The following METAP2 variants were observed in gnomAD, a reference collection of about 807,000 sequenced individuals.
The protein encoded by METAP2 is methionine aminopeptidase 2.
A neutral mutation model predicts 59.4 loss-of-function variants in METAP2; 25 were observed. The observed-to-expected ratio is 0.42, with a 90% confidence interval of 0.31 to 0.59. The LOEUF (loss-of-function observed/expected upper bound fraction) is 0.59. Among genes scored for constraint, METAP2 ranks in the 20% least tolerant of loss-of-function variants. The pLI, the probability that METAP2 is intolerant of heterozygous loss-of-function variation, is 0.16. For missense variants in METAP2, 366 were observed against 581.2 expected (o/e 0.63, Z 3.81); for synonymous variants, 214 against 194.1 (o/e 1.10, Z -0.85).
At chr12:95,512,315 G>T (rs2076408868) in intron 9 of METAP2, among the ~76,000 whole-genome samples, 2 of 152,154 alleles carry the variant, frequency 1.3e-5, no homozygotes, top group Admixed American at 1.3e-4. Flanking sequence ...GAAGCAGAAA[G>T]ACCAAAAAGT....
At chr12:95,493,160 T>C (rs767549353) in intron 4 of METAP2, among the ~76,000 whole-genome samples, 27 of 152,186 alleles carry the variant, frequency 1.8e-4, no homozygotes, top group Non-Finnish European at 8.8e-5. Flanking sequence ...ACAGGAGTCA[T>C]GGATCTTATT....
chr12:95,482,655 A>T (rs999461344), intron 2 of METAP2, among the ~76,000 whole-genome samples: 12 of 151,430 alleles, frequency 7.9e-5, no homozygotes, highest in African/African-American at 2.9e-4. Flanking sequence ...GCATGGTGGC[A>T]TGCACCTGTA....
chr12:95,502,120 A>G (rs969979670), intron 7 of METAP2, among the ~76,000 whole-genome samples: 1 of 151,086 alleles, frequency 6.6e-6, no homozygotes, highest in Admixed American at 6.6e-5. Flanking sequence ...CTCCCACCTC[A>G]GTTCTCCAAG....
chr12:95,485,054 T>C (rs988146160), intron 3 of METAP2, among the ~76,000 whole-genome samples: 1 of 152,240 alleles, frequency 6.6e-6, no homozygotes, highest in Admixed American at 6.5e-5. Flanking sequence ...TTATAAATGT[T>C]AGTTAATGAT....
rs1000056014 is a variant in METAP2, at chr12:95,478,811, A to G, written c.259+2633A>G. 2.0e-5 allele frequency among the ~76,000 whole-genome samples: 3 copies of G among 152,304 alleles called. No individual in the cohort carries two copies. The East Asian group carries it at 5.8e-4, about 29-fold the overall frequency. ...AACTTGAGTAAAACCAAACAAAGGA[A>G]CTATTTTGGGTTGGGGTAATGCTGA... On this transcript the variant is annotated intron_variant, in intron 2 of 10. Coordinates refer to ENST00000323666, the MANE Select transcript of METAP2 (RefSeq NM_006838.4).
At chr12:95,502,035 C>G (rs1199541308) in intron 7 of METAP2, among the ~76,000 whole-genome samples, 3 of 143,116 alleles carry the variant, frequency 2.1e-5, no homozygotes, top group African/African-American at 7.8e-5. Context: ...CAGGGTTTTG[C>G]TCTGTTGCCC....
intron 8 of METAP2, among the ~76,000 whole-genome samples, chr12:95,511,117 T>C (rs1041969491): frequency 5.9e-5 from 9 of 152,194 alleles, no homozygotes; most frequent in Admixed American, 5.2e-4. Flanking sequence ...CTTTCTTACT[T>C]CTATTTCTTA....
At chr12:95,482,612 C>G (rs2076166970) in intron 2 of METAP2, among the ~76,000 whole-genome samples, 1 of 112,026 alleles carries the variant, frequency 8.9e-6, no homozygotes, top group African/African-American at 3.7e-5. Flanking sequence ...AACTCCATCT[C>G]TACTAAAAAA....
chr12:95,511,766 T>C (rs563039397), intron 8 of METAP2, 129 bp from the exon 9 acceptor site: 3 of 606,834 alleles, frequency 4.9e-6, no homozygotes, highest in South Asian at 2.3e-5. Flanking sequence ...ACTACCTTAA[T>C]GTAAGGTTAT....
At position 95,514,053 on chromosome 12, in the gene METAP2, A is replaced by G; in HGVS notation, c.*149A>G. Reference sequence around the variant, plus strand: ...TTTAAAAAAGAAGGAATTTGGACAAAGGCAAACCGTCTAATGTAATTAACC... The same window carrying G: ...TTTAAAAAAGAAGGAATTTGGACAAGGGCAAACCGTCTAATGTAATTAACC... On this transcript the variant is annotated 3_prime_UTR_variant, in exon 11 of 11. Transcript: ENST00000323666. 1.0e-6 allele frequency: 1 copy of G among 965,954 alleles called. No individual in the cohort carries two copies. Among genetic ancestry groups the G allele is most frequent in the Non-Finnish European group, 1.5e-6 (1 of 684,006 alleles). The allele number at this position is 965,954 out of a possible 1,614,324, so 59.8% of individuals were successfully genotyped here.
At chr12:95,479,613 CTT>C (rs58065707) in intron 2 of METAP2, among the ~76,000 whole-genome samples, 27 of 143,138 alleles carry the variant, frequency 1.9e-4, no homozygotes, top group Admixed American at 2.1e-4. Flanking sequence ...AGTCACCACT[CTT>C]TTTTTTTTTT....
At chr12:95,512,948 T>A in intron 10 of METAP2, 32 bp downstream of exon 10, 1 of 1,250,856 alleles carries the variant, frequency 8.0e-7, no homozygotes, top group South Asian at 1.2e-5. Flanking sequence ...TTTATGTGGC[T>A]AATTAGCATC....
chr12:95,485,017 A>G (rs764769799), intron 3 of METAP2: 55 of 386,888 alleles, frequency 1.4e-4, no homozygotes, highest in South Asian at 2.0e-4. Context: ...CACTGCCCTC[A>G]TTTTCCTCAT....
chr12:95,495,132 A>G lies in METAP2; in HGVS notation c.766A>G (p.Ile256Val). 2 of 1,604,580 alleles carry G rather than the reference A, an allele frequency of 1.2e-6. No homozygotes were observed. The highest frequency in any genetic ancestry group is 1.7e-6 in the Non-Finnish European group (2 of 1,174,384). ...DICKIDFGTH[I>V]SGRIIDCAFT... is the part of the protein sequence containing the mutation. ...CTGTAAAATAGACTTTGGAACACAT[A>G]TAAGTGGTAAATTCTTGCAGAAAAT... is the stretch of plus-strand genomic sequence containing the variant. Residue 256 changes from isoleucine to valine, a missense_variant, in exon 6 of 11, where the codon ATA (isoleucine) becomes GTA (valine). Transcript: ENST00000323666.
chr12:95,482,140 C>G (rs1354239479), intron 2 of METAP2: 1 of 453,120 alleles, frequency 2.2e-6, no homozygotes, highest in Non-Finnish European at 4.4e-6. Context: ...ACAAGATCTC[C>G]CTCCCGTCAC....
At chr12:95,490,378 C>T (rs2076228782) in intron 4 of METAP2, among the ~76,000 whole-genome samples, 1 of 147,956 alleles carries the variant, frequency 6.8e-6, no homozygotes. Flanking sequence ...TATCTAGAGG[C>T]ATACATTGTC....
At chr12:95,493,495 ACT>A (rs1385953556) in intron 4 of METAP2, among the ~76,000 whole-genome samples, 1 of 152,210 alleles carries the variant, frequency 6.6e-6, no homozygotes, top group Non-Finnish European at 1.5e-5. Context: ...ATTCGTTAGC[ACT>A]GGCAGTTTTA....
intron 4 of METAP2, among the ~76,000 whole-genome samples, chr12:95,488,962 T>C (rs2076218117): frequency 6.6e-6 from 1 of 152,210 alleles, no homozygotes; most frequent in African/African-American, 2.4e-5. Flanking sequence ...TTTCTGAAAA[T>C]TGACAGTTTA....
chr12:95,478,866 A>G (rs547887380), intron 2 of METAP2, among the ~76,000 whole-genome samples: 13 of 152,252 alleles, frequency 8.5e-5, no homozygotes, highest in African/African-American at 2.9e-4. Context: ...TGGTAATACA[A>G]GCTTGCCATA....
Sources: allele counts gnomAD v4.1 joint callset (sites outside exome capture counted in the v4.1 genomes callset), GRCh38; gene constraint gnomAD v4.1.1; transcripts MANE v1.5; gene names NCBI Gene and HGNC (gene_info 2026-07-23, HGNC 2026-07-21).